NPR3: variants seen among roughly 807,000 people sequenced by gnomAD.
NPR3 encodes the protein atrial natriuretic peptide receptor 3.
A neutral mutation model predicts 54.5 loss-of-function variants in NPR3; 34 were observed. The ratio of observed to expected loss-of-function variants is 0.62; its 90% CI spans 0.47 to 0.83. The LOEUF is 0.83. Ranked by LOEUF, NPR3 falls within the 40% of genes least tolerant of loss-of-function variation. The pLI is 0.00. For synonymous variants in NPR3, 289 were observed against 297.1 expected, an observed-to-expected ratio of 0.97 and a Z score of 0.28; for missense variants, 674 against 720.8, an observed-to-expected ratio of 0.94 and a Z score of 0.74.
At chr5:32,756,220 CA>C (rs1413570740) in intron 3 of NPR3, among the ~76,000 whole-genome samples, 1 of 152,236 alleles carries the variant, frequency 6.6e-6, no homozygotes, top group Non-Finnish European at 1.5e-5. Context: ...GTCCCACCAA[CA>C]GTGTAAAAGT....
At chr5:32,758,804 T>C (rs1317362340) in intron 3 of NPR3, among the ~76,000 whole-genome samples, 1 of 152,240 alleles carries the variant, frequency 6.6e-6, no homozygotes, top group Non-Finnish European at 1.5e-5. Flanking sequence ...GTATGTTGTG[T>C]CTTTGTTCTC....
At chr5:32,742,857 G>A (rs530355200) in intron 3 of NPR3, among the ~76,000 whole-genome samples, 1 of 152,230 alleles carries the variant, frequency 6.6e-6, no homozygotes, top group South Asian at 2.1e-4. Flanking sequence ...TATAATGTAG[G>A]TTAAGGAAAA....
At chr5:32,728,444 C>T (rs1739245867) in intron 2 of NPR3, among the ~76,000 whole-genome samples, 1 of 131,978 alleles carries the variant, frequency 7.6e-6, no homozygotes, top group African/African-American at 2.9e-5. Flanking sequence ...GCCTGGGCAA[C>T]AAGAGTGAAA....
chr5:32,710,890 GTA>G (rs1217295128), upstream of NPR3: 1,509 of 849,902 alleles, frequency 1.8e-3, 3 homozygotes, highest in Non-Finnish European at 2.0e-3. Flanking sequence ...GTGTGTGTGT[GTA>G]TATGTGTGTG....
At chr5:32,751,940 T>A (rs1374260022) in intron 3 of NPR3, among the ~76,000 whole-genome samples, 1 of 152,154 alleles carries the variant, frequency 6.6e-6, no homozygotes, top group East Asian at 1.9e-4. Context: ...GGTGGCTCAC[T>A]CCTGTAATCC....
intron 3 of NPR3, among the ~76,000 whole-genome samples, chr5:32,754,631 C>T (rs1480043434): frequency 6.6e-6 from 1 of 151,954 alleles, no homozygotes; most frequent in Non-Finnish European, 1.5e-5. Context: ...TTTTTTTCTC[C>T]TCTGGGGTGA....
At chr5:32,743,977 A>G (rs1029536151) in intron 3 of NPR3, among the ~76,000 whole-genome samples, 19 of 141,366 alleles carry the variant, frequency 1.3e-4, no homozygotes, top group Non-Finnish European at 1.8e-4. Flanking sequence ...AATCTATTCC[A>G]TTCTGATGCA....
chr5:32,713,614 C>T (rs1738386632), intron 1 of NPR3: 1 of 407,582 alleles, frequency 2.5e-6, no homozygotes, highest in Admixed American at 6.4e-5. Flanking sequence ...GACCCCAGTG[C>T]CACGCGGATG....
At chr5:32,769,149 T>C (rs1485956524) in intron 3 of NPR3, among the ~76,000 whole-genome samples, 2 of 152,214 alleles carry the variant, frequency 1.3e-5, no homozygotes, top group African/African-American at 4.8e-5. Context: ...GAGGAGGCTG[T>C]GAGGCTACTT....
At chr5:32,772,885 G>C (rs555464781) in intron 3 of NPR3, among the ~76,000 whole-genome samples, 1 of 150,514 alleles carries the variant, frequency 6.6e-6, no homozygotes, top group South Asian at 2.1e-4. Flanking sequence ...GAACTGGAAA[G>C]GGGGGGCGAG....
chr5:32,761,467 G>A (rs965083713), intron 3 of NPR3, among the ~76,000 whole-genome samples: 5 of 152,020 alleles, frequency 3.3e-5, no homozygotes, highest in Admixed American at 3.3e-4. Flanking sequence ...ATTTCCAATT[G>A]TTCATTGCTA....
At chr5:32,722,079 T>A (rs1436813626) in intron 1 of NPR3, among the ~76,000 whole-genome samples, 1 of 151,994 alleles carries the variant, frequency 6.6e-6, no homozygotes, top group Non-Finnish European at 1.5e-5. Flanking sequence ...ACATGAAATC[T>A]GGGGGACACA....
At chr5:32,728,844 T>TATATATAC (rs1739287092) in intron 2 of NPR3, among the ~76,000 whole-genome samples, 1 of 110,052 alleles carries the variant, frequency 9.1e-6, no homozygotes, top group Non-Finnish European at 1.8e-5. Context: ...TGTGTATATA[T>TATATATAC]ATATATATAT....
chr5:32,778,864 A>G (rs1478068165), intron 4 of NPR3, among the ~76,000 whole-genome samples: 1 of 152,232 alleles, frequency 6.6e-6, no homozygotes, highest in African/African-American at 2.4e-5. Flanking sequence ...AGCAGGACAC[A>G]ACATCACAAA....
chr5:32,786,097 C>T (rs1742601279), intron 7 of NPR3, 137 bp from the exon 8 acceptor site: 1 of 587,170 alleles, frequency 1.7e-6, no homozygotes, highest in African/African-American at 1.9e-5. Context: ...ACTTTAATCT[C>T]TGACCAGGGT....
In NPR3 at chr5:32,782,893, G is replaced by A. The variant is rs750032267; in HGVS notation, c.1291G>A (p.Val431Ile). The change falls in exon 6 of 8, where the codon GTT (valine) becomes ATT (isoleucine). Residue 431 changes from valine to isoleucine, a missense_variant and splice_region_variant. Val to Ile is a conservative substitution (Grantham distance 29). Transcript: ENST00000265074. ...CTATTTGTTTTTTGCCTCTATATAG[G>A]TTATTGGTGATTATTTTGGAAAAGA... ...MTDVEAGTQE[V>I]IGDYFGKEGR... is the part of the protein sequence containing the mutation. 1 of 1,610,556 alleles carries A rather than the reference G, an allele frequency of 6.2e-7. No individual in the cohort carries two copies. Among genetic ancestry groups the A allele is most frequent in the Admixed American group, 1.7e-5 (1 of 59,644 alleles).
intron 3 of NPR3, among the ~76,000 whole-genome samples, chr5:32,745,647 G>A (rs985018217): frequency 1.3e-5 from 2 of 152,144 alleles, no homozygotes; most frequent in Non-Finnish European, 2.9e-5. Flanking sequence ...GGCTCTACAC[G>A]TGAGCCTGGC....
In NPR3 at chr5:32,775,699, G is replaced by C. The variant is rs541117036; in HGVS notation, c.1195+856G>C. ...TGCAACCTCCACCTCCTGGGTTCAA[G>C]TGATTCTCGTACCTCAGCCTCCTGA... On this transcript the variant is annotated intron_variant, in intron 4 of 7. Coordinates refer to ENST00000265074, the MANE Select transcript of NPR3 (RefSeq NM_001204375.2). Among the ~76,000 whole-genome samples, 34 of 152,116 alleles carry C rather than the reference G, an allele frequency of 2.2e-4. 1 individual carries two copies. Among genetic ancestry groups the C allele is most frequent in the Non-Finnish European group, 8.8e-5 (6 of 68,030 alleles).
At chr5:32,706,753 T>C (rs140033470), upstream of NPR3, among the ~76,000 whole-genome samples, 127 of 152,290 alleles carry the variant, frequency 8.3e-4, no homozygotes, top group African/African-American at 3.0e-3. Flanking sequence ...TGTTTCCTGA[T>C]CTTAAATAAA....
Sources: gnomAD v4.1 joint callset for allele counts (sites outside exome capture counted in the v4.1 genomes callset) on GRCh38, gnomAD v4.1.1 for gene constraint, MANE v1.5 for transcripts, NCBI Gene and HGNC (gene_info 2026-07-23, HGNC 2026-07-21) for gene names.